Variants in PAN3 observed in about 807,000 individuals in gnomAD.
The protein encoded by PAN3 is PAN2-PAN3 deadenylation complex subunit PAN3.
In PAN3, 19 loss-of-function variants were observed where a neutral mutation model predicts 96.2. That is an observed-to-expected ratio of 0.20 (90% CI 0.14 to 0.29). The LOEUF is 0.29. Among genes scored for constraint, PAN3 ranks in the 10% least tolerant of loss-of-function variants. The probability of loss-of-function intolerance (pLI) is 1.00; values close to 1 mark genes in which losing one functional copy is unlikely to be tolerated. For synonymous variants in PAN3, 433 were observed against 406.6 expected (o/e 1.06, Z -0.78); for missense variants, 882 against 1,108.1 (o/e 0.80, Z 2.90).
chr13:28,198,624 C>T (rs1215698001), intron 5 of PAN3, among the ~76,000 whole-genome samples: 2 of 152,002 alleles, frequency 1.3e-5, no homozygotes, highest in East Asian at 1.9e-4. Flanking sequence ...ATTTTATTTC[C>T]ATTTTTAAAA....
chr13:28,288,447 C>T lies in PAN3; in HGVS notation c.2523+325C>T, dbSNP rs778860968. Among the ~76,000 whole-genome samples, 4 of 152,162 alleles carry T rather than the reference C, an allele frequency of 2.6e-5. No homozygotes were observed. The South Asian group carries it at 8.3e-4, about 32-fold the overall frequency. On this transcript the variant is annotated intron_variant, in intron 18 of 18. Transcript: ENST00000380958. ...CCCGAGTAGCTAGGATTACAGGCAC[C>T]CATCACCATGCGCAGCTAATCTTTA...
At chr13:28,176,443 TTATTTCTG>T (rs1258365393) in intron 2 of PAN3, 42 bp from the exon 3 acceptor site, 5 of 1,541,392 alleles carry the variant, frequency 3.2e-6, no homozygotes, top group Non-Finnish European at 4.5e-6. Flanking sequence ...TTGGATACTT[TTATTTCTG>T]TATTCCTCAG....
intron 6 of PAN3, among the ~76,000 whole-genome samples, chr13:28,229,582 C>T (rs1882325914): frequency 1.3e-5 from 2 of 152,172 alleles, no homozygotes; most frequent in East Asian, 1.9e-4. Flanking sequence ...GTCTTCTGCT[C>T]CAATGAATTA....
In PAN3 at chr13:28,266,942, TGAA is replaced by T. The variant is rs1886235180; in HGVS notation, c.1573+67_1573+69del. On this transcript the variant is annotated intron_variant, in intron 10 of 18. Transcript: ENST00000380958. ...GAGGCTAAGATTATTCAAACCTTCT[TGAA>T]TATATTATTTAATATATGAATTAAA... is the stretch of plus-strand genomic sequence containing the variant. The T allele has an allele frequency of 8.1e-6, 11 of 1,351,084 alleles. No homozygotes were observed. In the South Asian group the frequency reaches 2.0e-4, roughly 24 times the overall value. The allele number at this position is 1,351,084 out of a possible 1,614,324, so 83.7% of individuals were successfully genotyped here. A position where few individuals can be genotyped will look rare whatever the true frequency, so the allele number is the denominator to read the frequency against.
At chr13:28,141,920 G>T (rs1196092317) in intron 1 of PAN3, among the ~76,000 whole-genome samples, 1 of 152,208 alleles carries the variant, frequency 6.6e-6, no homozygotes, top group Non-Finnish European at 1.5e-5. Flanking sequence ...AAATAACTGA[G>T]ATATAGGGAC....
At chr13:28,201,825 T>G (rs182085036) in intron 5 of PAN3, among the ~76,000 whole-genome samples, 272 of 152,328 alleles carry the variant, frequency 1.8e-3, no homozygotes, top group African/African-American at 6.2e-3. Context: ...AATTGTCTTC[T>G]GAGTTCAAGG....
intron 9 of PAN3, among the ~76,000 whole-genome samples, chr13:28,265,295 G>A (rs947599439): frequency 3.3e-5 from 5 of 152,198 alleles, no homozygotes; most frequent in African/African-American, 1.2e-4. Flanking sequence ...CAGCTCCTGG[G>A]TTTAAGTGAT....
Position 28,294,373 on chromosome 13 carries a change from A to G in PAN3, c.*1851A>G, listed in dbSNP as rs1256216769. 6.6e-6 allele frequency: 1 copy of G among 152,616 alleles called. No homozygotes were observed. Among genetic ancestry groups the G allele is most frequent in the Admixed American group, 6.5e-5 (1 of 15,278 alleles). 9.5% of individuals were successfully genotyped at this position (152,616 alleles called of 1,614,324 possible). A position where few individuals can be genotyped will look rare whatever the true frequency, so the allele number is the denominator to read the frequency against. On this transcript the variant is annotated 3_prime_UTR_variant, in exon 19 of 19. Transcript: ENST00000380958. Reference sequence around the variant, plus strand: ...TTTGAGGAAGAGCAGCTGTCTTTTTATATGTTTTTTGACAAATCATATTGT... The same window carrying G: ...TTTGAGGAAGAGCAGCTGTCTTTTTGTATGTTTTTTGACAAATCATATTGT...
intron 1 of PAN3, among the ~76,000 whole-genome samples, chr13:28,149,553 G>A (rs141110215): frequency 9.2e-5 from 14 of 152,162 alleles, no homozygotes; most frequent in African/African-American, 2.2e-4. Context: ...AGTTTCATTT[G>A]GGTATGTAAT....
chr13:28,141,230 C>A (rs768082135), intron 1 of PAN3, among the ~76,000 whole-genome samples: 3 of 151,840 alleles, frequency 2.0e-5, no homozygotes, highest in African/African-American at 7.3e-5. Flanking sequence ...GTCTCGAACT[C>A]CTGACCTCAG....
chr13:28,292,807 A>G lies in PAN3; in HGVS notation c.*285A>G, dbSNP rs1869918679. On this transcript the variant is annotated 3_prime_UTR_variant, in exon 19 of 19. Coordinates refer to ENST00000380958, the MANE Select transcript of PAN3 (RefSeq NM_175854.8). ...CTGCTTTTGTTTTTTCCACTTGTAT[A>G]TGCACTAATTTTAATTTTTTAAAGA... 9.0e-6 allele frequency: 2 copies of G among 221,344 alleles called. No homozygotes were observed. Among genetic ancestry groups the G allele is most frequent in the South Asian group, 1.7e-4 (1 of 5,836 alleles). 13.7% of individuals were successfully genotyped at this position (221,344 alleles called of 1,614,324 possible).
chr13:28,272,550 A>G (rs1886712945), intron 14 of PAN3, among the ~76,000 whole-genome samples: 1 of 150,838 alleles, frequency 6.6e-6, no homozygotes, highest in African/African-American at 2.4e-5. Context: ...AATAAAGAGA[A>G]TTCATGACAA....
At chr13:28,151,955 A>G (rs1274775152) in intron 1 of PAN3, among the ~76,000 whole-genome samples, 1 of 152,228 alleles carries the variant, frequency 6.6e-6, no homozygotes, top group Non-Finnish European at 1.5e-5. Flanking sequence ...TTCAGTGTAT[A>G]CTTGGCATTT....
intron 4 of PAN3, among the ~76,000 whole-genome samples, chr13:28,188,951 AGAG>A (rs1876848840): frequency 6.6e-6 from 1 of 152,250 alleles, no homozygotes; most frequent in Admixed American, 6.5e-5. Context: ...TTTTGGGAGA[AGAG>A]AATAGATCTT....
intron 4 of PAN3, among the ~76,000 whole-genome samples, chr13:28,183,827 G>C (rs1415794721): frequency 6.6e-6 from 1 of 152,190 alleles, no homozygotes; most frequent in Non-Finnish European, 1.5e-5. Flanking sequence ...TACCTAGTAA[G>C]TAAGGTTGTT....
At chr13:28,194,435 T>A (rs1390807801) in intron 4 of PAN3, among the ~76,000 whole-genome samples, 1 of 142,752 alleles carries the variant, frequency 7.0e-6, no homozygotes, top group African/African-American at 2.7e-5. Flanking sequence ...TGTGTATATA[T>A]ACATATATAT....
At chr13:28,274,195 G>A (rs1485206979) in intron 14 of PAN3, among the ~76,000 whole-genome samples, 1 of 152,108 alleles carries the variant, frequency 6.6e-6, no homozygotes, top group Non-Finnish European at 1.5e-5. Context: ...GCATCATTCT[G>A]TTCTTCTGCC....
At chr13:28,139,461 T>A (rs1308123976) in intron 1 of PAN3, among the ~76,000 whole-genome samples, 1 of 147,930 alleles carries the variant, frequency 6.8e-6, no homozygotes, top group Non-Finnish European at 1.5e-5. Context: ...TTGCGTGTCC[T>A]TGTGGAGTGG....
At position 28,144,212 on chromosome 13, in the gene PAN3, T is replaced by G. The variant is rs1476093664; in HGVS notation, c.430+5125T>G. Among the ~76,000 whole-genome samples the G allele has an allele frequency of 2.7e-4, 24 of 89,156 alleles. No individual in the cohort carries two copies. In the East Asian group the frequency reaches 3.8e-3, roughly 14 times the overall value. The allele number at this position is 89,156 out of a possible 152,430, so 58.5% of individuals were successfully genotyped here. ...TACTTGGTTTCGATAAGTTTTTTTG[T>G]TTTTTTTTTTTTTTTTTTTTTTGAT... On this transcript the variant is annotated intron_variant, in intron 1 of 18. Coordinates refer to ENST00000380958, the MANE Select transcript of PAN3 (RefSeq NM_175854.8).
Sources: allele counts gnomAD v4.1 joint callset (sites outside exome capture counted in the v4.1 genomes callset), GRCh38; gene constraint gnomAD v4.1.1; transcripts MANE v1.5; gene names NCBI Gene and HGNC (gene_info 2026-07-23, HGNC 2026-07-21).